Variants in AFF2 observed in about 807,000 individuals in gnomAD.
The protein encoded by AFF2 is ALF transcription elongation factor 2, also known as AF4/FMR2 family member 2.
AFF2 carries 14 observed loss-of-function variants against 76.9 expected under a neutral mutation model. The ratio of observed to expected loss-of-function variants is 0.18; its 90% CI spans 0.12 to 0.28. The LOEUF is 0.28. Among genes scored for constraint, AFF2 ranks in the 10% least tolerant of loss-of-function variants. The probability of loss-of-function intolerance (pLI) is 1.00; values close to 1 mark genes in which losing one functional copy is unlikely to be tolerated. For missense variants in AFF2, 868 were observed against 1,001.1 expected, an observed-to-expected ratio of 0.87 and a Z score of 1.79; for synonymous variants, 398 against 366.7, an observed-to-expected ratio of 1.09 and a Z score of -0.98.
intron 7 of AFF2, among the ~76,000 whole-genome samples, chrX:148,844,267 T>C (rs1335658309): frequency 9.8e-5 from 11 of 111,801 alleles, no homozygotes; most frequent in Non-Finnish European, 1.5e-4. Flanking sequence ...ACCTCACTAT[T>C]TGCAGGTCAT....
chrX:148,906,504 G>A (rs1450475455), intron 9 of AFF2, among the ~76,000 whole-genome samples: 5 of 111,818 alleles, frequency 4.5e-5, no homozygotes, highest in East Asian at 2.8e-4. Flanking sequence ...GCTCACACCC[G>A]ACCAATCAGG....
At chrX:148,620,793 T>G (rs782344861) in intron 1 of AFF2, among the ~76,000 whole-genome samples, 1 of 111,764 alleles carries the variant, frequency 8.9e-6, no homozygotes, top group Admixed American at 9.5e-5. Context: ...TAACTCTGAT[T>G]TTTAGCAATT....
intron 3 of AFF2, among the ~76,000 whole-genome samples, chrX:148,674,575 C>T (rs781957801): frequency 4.5e-5 from 5 of 112,009 alleles, no homozygotes; most frequent in Admixed American, 9.4e-5. Flanking sequence ...TTTAACACCA[C>T]AAATCTCACC....
At chrX:148,537,842 G>A (rs912114709) in intron 1 of AFF2, among the ~76,000 whole-genome samples, 4 of 112,011 alleles carry the variant, frequency 3.6e-5, no homozygotes, top group African/African-American at 1.3e-4. Flanking sequence ...AGTGGGTTAG[G>A]GAGAAGCAGA....
chrX:148,819,951 C>T (rs781811979), intron 4 of AFF2, among the ~76,000 whole-genome samples: 1 of 111,349 alleles, frequency 9.0e-6, no homozygotes, highest in Admixed American at 9.6e-5. Context: ...TGTGGGTCTA[C>T]TTCTTGACTC....
At chrX:148,846,098 C>T in intron 7 of AFF2, among the ~76,000 whole-genome samples, 1 of 112,105 alleles carries the variant, frequency 8.9e-6, no homozygotes, top group Admixed American at 9.5e-5. Context: ...TTGACAATTA[C>T]TGCTGTCTCT....
At chrX:148,934,940 A>C (rs1346049654) in intron 9 of AFF2, among the ~76,000 whole-genome samples, 6 of 111,853 alleles carry the variant, frequency 5.4e-5, no homozygotes, top group African/African-American at 1.9e-4. Flanking sequence ...TAAAGATTTT[A>C]GGACTAGCTC....
At chrX:148,684,807 G>A (rs1483866638) in intron 3 of AFF2, among the ~76,000 whole-genome samples, 2 of 112,251 alleles carry the variant, frequency 1.8e-5, no homozygotes, top group Non-Finnish European at 3.8e-5. Context: ...GCTGCACATT[G>A]TCGTAGAATA....
chrX:148,731,199 G>C (rs2055215361), intron 3 of AFF2, among the ~76,000 whole-genome samples: 1 of 112,101 alleles, frequency 8.9e-6, no homozygotes, highest in East Asian at 2.8e-4. Flanking sequence ...GAGTTTAGCA[G>C]TAGCAAGCCA....
At chrX:148,757,836 C>T (rs1190954917) in intron 3 of AFF2, among the ~76,000 whole-genome samples, 3 of 112,090 alleles carry the variant, frequency 2.7e-5, no homozygotes, top group Non-Finnish European at 3.8e-5. Context: ...AGGTTAAACT[C>T]TCATGCATCT....
At chrX:148,742,382 A>G (rs2055366668) in intron 3 of AFF2, among the ~76,000 whole-genome samples, 1 of 112,474 alleles carries the variant, frequency 8.9e-6, no homozygotes, top group African/African-American at 3.2e-5. Flanking sequence ...GGACCTACCC[A>G]TGTTTGTTAA....
At chrX:148,790,452 T>C (rs782217214) in intron 3 of AFF2, among the ~76,000 whole-genome samples, 1 of 111,734 alleles carries the variant, frequency 8.9e-6, no homozygotes, top group African/African-American at 3.2e-5. Context: ...TGCCCATCAA[T>C]GATAGACTGG....
intron 1 of AFF2, among the ~76,000 whole-genome samples, chrX:148,508,076 G>C (rs1404854449): frequency 8.9e-6 from 1 of 112,502 alleles, no homozygotes; most frequent in Non-Finnish European, 1.9e-5. Flanking sequence ...TTAAGCTAAG[G>C]AAACAAGCTT....
intron 4 of AFF2, among the ~76,000 whole-genome samples, chrX:148,811,536 A>G (rs1038960822): frequency 3.6e-5 from 4 of 112,197 alleles, no homozygotes; most frequent in African/African-American, 1.3e-4. Flanking sequence ...ACAGAAGGTA[A>G]TAACATTGAA....
chrX:148,955,853 A>G lies in AFF2; in HGVS notation c.1808A>G (p.Lys603Arg). Residue 603 changes from lysine to arginine, a missense_variant, in exon 11 of 21, where the codon AAA becomes AGA. Lys to Arg is a conservative substitution (Grantham distance 26). This residue lies in a region of AFF2 where 532 missense variants were observed against 564.2 expected (regional missense o/e 0.94). Coordinates refer to ENST00000370460, the MANE Select transcript of AFF2 (RefSeq NM_002025.4). The stretch of plus-strand genomic sequence containing the variant: ...AAAGCCCGTCCACGGCCCACTCAGA[A>G]AATTCCAGAAACAAAGGCTTTGAAG... ...REKARPRPTQKIPETKALKHK... is the reference protein window; with the variant it reads ...REKARPRPTQRIPETKALKHK... The G allele has an allele frequency of 8.3e-7, 1 of 1,211,689 alleles. No homozygotes were observed. Among genetic ancestry groups the G allele is most frequent in the Non-Finnish European group, 1.1e-6 (1 of 895,536 alleles).
intron 3 of AFF2, among the ~76,000 whole-genome samples, chrX:148,692,780 A>C (rs782722361): frequency 9.0e-6 from 1 of 111,593 alleles, no homozygotes; most frequent in East Asian, 2.8e-4. Context: ...TTCTTGAGGA[A>C]ATTGATTCTG....
At chrX:148,685,093 A>AT (rs1557260234) in intron 3 of AFF2, among the ~76,000 whole-genome samples, 2 of 111,999 alleles carry the variant, frequency 1.8e-5, no homozygotes, top group African/African-American at 6.5e-5. Flanking sequence ...TCTGTAGGCA[A>AT]TTAAGTGCAA....
chrX:148,581,890 A>G (rs1557245172), intron 1 of AFF2, among the ~76,000 whole-genome samples: 2 of 112,149 alleles, frequency 1.8e-5, no homozygotes, highest in Non-Finnish European at 3.8e-5. Flanking sequence ...GATTTTGCCA[A>G]TCGTTCCAAT....
intron 2 of AFF2, among the ~76,000 whole-genome samples, chrX:148,656,493 A>ATTTTTT (rs1205846596): frequency 5.9e-5 from 4 of 68,080 alleles, no homozygotes; most frequent in Non-Finnish European, 8.2e-5. Flanking sequence ...TCCATGAGGA[A>ATTTTTT]TTTTTTTTTT....
Sources: allele counts gnomAD v4.1 joint callset (sites outside exome capture counted in the v4.1 genomes callset), GRCh38; gene constraint gnomAD v4.1.1; regional missense constraint gnomAD v4.1.1; transcripts MANE v1.5; gene names NCBI Gene and HGNC (gene_info 2026-07-23, HGNC 2026-07-21).